ALDH18A1: variants seen among roughly 807,000 people sequenced by gnomAD.
ALDH18A1 encodes aldehyde dehydrogenase 18 family member A1, also known as delta-1-pyrroline-5-carboxylate synthase.
A neutral mutation model predicts 88.8 loss-of-function variants in ALDH18A1; 44 were observed. The observed-to-expected ratio is 0.50, with a 90% CI of 0.39 to 0.64. The LOEUF is 0.64. Ranked by LOEUF, ALDH18A1 falls within the 30% of genes least tolerant of loss-of-function variation. The pLI is 0.00. For synonymous variants in ALDH18A1, 331 were observed against 372.1 expected (o/e 0.89, Z 1.27); for missense variants, 782 against 1,009.5 (o/e 0.77, Z 3.05).
intron 3 of ALDH18A1, among the ~76,000 whole-genome samples, chr10:95,641,532 T>TG (rs1371907585): frequency 1.1e-5 from 1 of 89,268 alleles, no homozygotes; most frequent in Non-Finnish European, 2.2e-5. Context: ...GGTGGGGGGG[T>TG]GGTCAGGGTT....
rs553385013 is a variant in ALDH18A1, at chr10:95,606,821, G to T, written c.2329C>A (p.His777Asn). 6.2e-6 allele frequency: 10 copies of T among 1,614,190 alleles called. No homozygotes were observed. The East Asian group carries it at 1.8e-4, about 29-fold the overall frequency. ...TCATGAAGATATTTTAAACTTCCATGCTCTGAGAAATCTGAGACCACGTGG... is the reference window on the plus strand; with the variant it reads ...TCATGAAGATATTTTAAACTTCCATTCTCTGAGAAATCTGAGACCACGTGG... ...KDHVVSDFSE[H>N]GSLKYLHENL... Residue 777 changes from histidine to asparagine, a missense_variant, in exon 18 of 18, where the codon CAT (histidine) becomes AAT (asparagine). His to Asn is a moderately conservative substitution (Grantham distance 68, BLOSUM62 1). Coordinates refer to ENST00000371224, the MANE Select transcript of ALDH18A1 (RefSeq NM_002860.4).
At chr10:95,639,139 C>T (rs1163512423) in intron 3 of ALDH18A1, among the ~76,000 whole-genome samples, 1 of 151,908 alleles carries the variant, frequency 6.6e-6, no homozygotes, top group East Asian at 1.9e-4. Flanking sequence ...CGAAACCAGC[C>T]TGAGCAAAAT....
chr10:95,650,431 G>A (rs2097908706), intron 2 of ALDH18A1, among the ~76,000 whole-genome samples: 1 of 152,206 alleles, frequency 6.6e-6, no homozygotes, highest in Non-Finnish European at 1.5e-5. Flanking sequence ...GGTGGGGCCT[G>A]GTAGGAAGTG....
intron 2 of ALDH18A1, among the ~76,000 whole-genome samples, chr10:95,651,852 T>C (rs2097910946): frequency 6.6e-6 from 1 of 152,230 alleles, no homozygotes; most frequent in South Asian, 2.1e-4. Flanking sequence ...AGCTACAATC[T>C]GACCCAGCAA....
rs2097851579 is a variant in ALDH18A1 at position 95,621,048 on chromosome 10, G to A, written c.1450C>T (p.Pro484Ser). The A allele has an allele frequency of 6.2e-7, 1 of 1,613,970 alleles. No individual in the cohort carries two copies. Among genetic ancestry groups the A allele is most frequent in the South Asian group, 1.1e-5 (1 of 91,068 alleles). The change falls in exon 12 of 18, where the codon CCT (proline) becomes TCT (serine). Residue 484 changes from proline (P) to serine (S), a missense_variant. Physicochemically the swap from Pro to Ser is moderately conservative, Grantham distance 74. Transcript: ENST00000371224. ...ATACACACCTGGGGTAGACAGTCAG[G>A]ACGAGATTCAAAGATCACCAGCAGA... ...GVLLVIFESR[P>S]DCLPQVAALA...
chr10:95,640,426 C>T (rs2097889304), intron 3 of ALDH18A1, among the ~76,000 whole-genome samples: 1 of 151,822 alleles, frequency 6.6e-6, no homozygotes, highest in Non-Finnish European at 1.5e-5. Context: ...ACTGCAACCT[C>T]CACCTCCCAG....
In ALDH18A1 at chr10:95,628,361, T is replaced by A. The variant is rs1466456188; in HGVS notation, c.933+7A>T. On this transcript the variant is annotated splice_region_variant and intron_variant, in intron 8 of 17. Coordinates refer to ENST00000371224, the MANE Select transcript of ALDH18A1 (RefSeq NM_002860.4). ...TGTTATAGGCAGTTAAGGCACCAGA[T>A]TCTTACCTTGGCTTCCATGCCACCC... 3.1e-6 allele frequency: 5 copies of A among 1,614,028 alleles called. No individual in the cohort carries two copies. In the Admixed American group the frequency reaches 6.7e-5, roughly 22 times the overall value.
At chr10:95,633,247 A>G (rs928725278) in intron 6 of ALDH18A1, among the ~76,000 whole-genome samples, 198 bp from the exon 7 acceptor site, 8 of 152,168 alleles carry the variant, frequency 5.3e-5, no homozygotes, top group African/African-American at 1.9e-4. Flanking sequence ...TTTTCCAAAC[A>G]TGCAGTCTTC....
At chr10:95,632,134 A>G (rs778996026) in intron 7 of ALDH18A1, among the ~76,000 whole-genome samples, 17 of 152,262 alleles carry the variant, frequency 1.1e-4, no homozygotes, top group Non-Finnish European at 2.2e-4. Flanking sequence ...AAGGGCCACC[A>G]TAGTATATGA....
chr10:95,647,059 T>G (rs7897091), intron 2 of ALDH18A1, among the ~76,000 whole-genome samples: 27,666 of 152,168 alleles, frequency 0.18, 2,806 homozygotes, highest in Middle Eastern at 0.28. Flanking sequence ...TTCTTTTCTT[T>G]TTTTTTCCCT....
chr10:95,625,412 T>C lies in ALDH18A1; in HGVS notation c.1196A>G (p.Gln399Arg), dbSNP rs940452614. The C allele has an allele frequency of 6.2e-7, 1 of 1,614,106 alleles. No homozygotes were observed. Among genetic ancestry groups the C allele is most frequent in the Non-Finnish European group, 8.5e-7 (1 of 1,179,992 alleles). ...IHHLADLLTD[Q>R]RDEILLANKK... Reference sequence around the variant, plus strand: ...GTTGGCTAACAGGATCTCATCACGCTGGTCCGTCAACAGATCAGCCAGATG... The same window carrying C: ...GTTGGCTAACAGGATCTCATCACGCCGGTCCGTCAACAGATCAGCCAGATG... Residue 399 changes from glutamine to arginine, a missense_variant, in exon 11 of 18, where the codon CAG becomes CGG. Physicochemically the swap from Gln to Arg is conservative, Grantham distance 43. This residue lies in a region of ALDH18A1 where 556 missense variants were observed against 654.5 expected (regional missense o/e 0.85). Coordinates refer to ENST00000371224, the MANE Select transcript of ALDH18A1 (RefSeq NM_002860.4).
chr10:95,633,138 C>T (rs1295999676), intron 6 of ALDH18A1, 89 bp from the exon 7 acceptor site: 1 of 1,247,490 alleles, frequency 8.0e-7, no homozygotes, highest in Non-Finnish European at 1.2e-6. Flanking sequence ...TCAGGCAAAA[C>T]CAAGCTAGGA....
At chr10:95,651,171 T>G (rs1222438465) in intron 2 of ALDH18A1, among the ~76,000 whole-genome samples, 2 of 151,892 alleles carry the variant, frequency 1.3e-5, no homozygotes, top group Admixed American at 6.6e-5. Context: ...GCTAAAGACA[T>G]GAACTAACAT....
chr10:95,636,510 G>A (rs1276675013), intron 5 of ALDH18A1, among the ~76,000 whole-genome samples: 10 of 152,282 alleles, frequency 6.6e-5, no homozygotes. Context: ...AAATTCGTAA[G>A]TCCCATGAGG....
intron 5 of ALDH18A1, among the ~76,000 whole-genome samples, chr10:95,635,158 T>C (rs564189417): frequency 2.3e-4 from 35 of 152,272 alleles, no homozygotes; most frequent in African/African-American, 7.9e-4. Flanking sequence ...AAAAATAAAA[T>C]GGAGCATATT....
chr10:95,626,151 CAA>C (rs149770632), intron 10 of ALDH18A1, among the ~76,000 whole-genome samples: 3,488 of 152,092 alleles, frequency 0.023, 120 homozygotes, highest in African/African-American at 0.075. Flanking sequence ...TTTCTCAGGC[CAA>C]AGGATTCACT....
At chr10:95,636,766 G>C (rs2097881423) in intron 5 of ALDH18A1, among the ~76,000 whole-genome samples, 2 of 152,228 alleles carry the variant, frequency 1.3e-5, no homozygotes, top group African/African-American at 4.8e-5. Context: ...TCTGTCTTCA[G>C]AAGTGTTAGC....
chr10:95,611,465 G>T, intron 15 of ALDH18A1, 23 bp from the exon 16 acceptor site: 3 of 1,612,668 alleles, frequency 1.9e-6, no homozygotes, highest in African/African-American at 2.7e-5. Context: ...AAGTCCAGGG[G>T]CAACAACATA....
chr10:95,637,066 C>A (rs762360073), intron 5 of ALDH18A1, 27 bp downstream of exon 5: 1 of 1,607,898 alleles, frequency 6.2e-7, no homozygotes, highest in East Asian at 2.2e-5. Flanking sequence ...ACAGGTCCCA[C>A]ACCCATTTCA....
Sources: allele counts gnomAD v4.1 joint callset (sites outside exome capture counted in the v4.1 genomes callset), GRCh38; gene constraint gnomAD v4.1.1; regional missense constraint gnomAD v4.1.1; transcripts MANE v1.5; gene names NCBI Gene and HGNC (gene_info 2026-07-23, HGNC 2026-07-21).